The following PGM2L1 variants were observed in gnomAD, a reference collection of about 807,000 sequenced individuals.
PGM2L1 encodes the protein phosphoglucomutase 2 like 1, also known as glucose 1,6-bisphosphate synthase.
Under a neutral mutation model 73.4 loss-of-function variants are expected in PGM2L1, and 35 were observed. The ratio of observed to expected loss-of-function variants is 0.48; its 90% CI spans 0.36 to 0.63. PGM2L1 has a LOEUF of 0.63. Among genes scored for constraint, PGM2L1 ranks in the 30% least tolerant of loss-of-function variants. The pLI is 0.00. For synonymous variants in PGM2L1, 225 were observed against 253.8 expected, an observed-to-expected ratio of 0.89 and a Z score of 1.08; for missense variants, 570 against 742.0, an observed-to-expected ratio of 0.77 and a Z score of 2.69.
chr11:74,354,898 C>T (rs1182571257), intron 5 of PGM2L1: 9 of 854,890 alleles, frequency 1.1e-5, no homozygotes, highest in African/African-American at 8.2e-5. Context: ...GTCTTTGTAA[C>T]CTTTGATGAC....
Position 74,342,522 on chromosome 11 carries a change from G to C in PGM2L1, c.1571C>G (p.Ala524Gly). The change falls in exon 12 of 14, where the codon GCT becomes GGT. Residue 524 changes from alanine to glycine, a missense_variant. Coordinates refer to ENST00000298198, the MANE Select transcript of PGM2L1 (RefSeq NM_173582.6). ...KEYPKFCGTF[A>G]ILHVRDVTTG... is the part of the protein sequence containing the mutation. The stretch of plus-strand genomic sequence containing the variant: ...GGTAACGTCCCGTACATGCAATATA[G>C]CAAATGTTCCACAAAATTTTGGATA... 1 of 1,609,490 alleles carries C rather than the reference G, an allele frequency of 6.2e-7. No individual in the cohort carries two copies.
intron 12 of PGM2L1, among the ~76,000 whole-genome samples, chr11:74,341,143 T>G (rs1270767647): frequency 6.6e-6 from 1 of 152,194 alleles, no homozygotes; most frequent in African/African-American, 2.4e-5. Context: ...CCACACATCT[T>G]ACCCTGAGGG....
At chr11:74,392,577 G>T (rs945498408) in intron 1 of PGM2L1, among the ~76,000 whole-genome samples, 4 of 150,246 alleles carry the variant, frequency 2.7e-5, no homozygotes, top group Non-Finnish European at 5.9e-5. Context: ...GTCTGGCTCT[G>T]TCGCCCAGGC....
rs574201700 is a variant in PGM2L1, at chr11:74,370,994, A to G, written c.387-8T>C. ...GCAGTGAGTTTAGCAAGCCTAAAAAAAGAGAGATTTAACTTAGTCCTTTGC... is the reference window on the plus strand; with the variant it reads ...GCAGTGAGTTTAGCAAGCCTAAAAAGAGAGAGATTTAACTTAGTCCTTTGC... On this transcript the variant is annotated splice_polypyrimidine_tract_variant and splice_region_variant and intron_variant, in intron 3 of 13. Coordinates refer to ENST00000298198, the MANE Select transcript of PGM2L1 (RefSeq NM_173582.6). The G allele has an allele frequency of 6.8e-6, 11 of 1,610,966 alleles. No individual in the cohort carries two copies. In the South Asian group the frequency reaches 1.1e-4, roughly 16 times the overall value.
At chr11:74,361,732 T>C (rs1862566752) in intron 5 of PGM2L1, among the ~76,000 whole-genome samples, 1 of 152,116 alleles carries the variant, frequency 6.6e-6, no homozygotes, top group Non-Finnish European at 1.5e-5. Flanking sequence ...AACCATGTCA[T>C]GAGAACTACG....
At position 74,355,553 on chromosome 11, in the gene PGM2L1, CAAAAAAA is replaced by C. The variant is rs547652950; in HGVS notation, c.556-3984_556-3978del. 1.1e-3 allele frequency: 129 copies of C among 114,232 alleles called. 2 individuals carry two copies. Among genetic ancestry groups the C allele is most frequent in the Middle Eastern group, 3.9e-3 (1 of 256 alleles). 7.1% of individuals were successfully genotyped at this position (114,232 alleles called of 1,614,324 possible). A position where few individuals can be genotyped will look rare whatever the true frequency, so the allele number is the denominator to read the frequency against. On this transcript the variant is annotated intron_variant, in intron 5 of 13. Coordinates refer to ENST00000298198, the MANE Select transcript of PGM2L1 (RefSeq NM_173582.6). Reference sequence around the variant, plus strand: ...TGGGCGACAGAGCGAGACTCCGTCTCAAAAAAAAAAAAAAAAAAAAAAAAAATTTGGA... The same window carrying C: ...TGGGCGACAGAGCGAGACTCCGTCTCAAAAAAAAAAAAAAAAAAATTTGGA...
Position 74,334,396 on chromosome 11 carries a change from TC to T in PGM2L1, c.*2255del, listed in dbSNP as rs1313462895. On this transcript the variant is annotated 3_prime_UTR_variant, in exon 14 of 14. Transcript: ENST00000298198. ...ATATATGCCATTTCCTAAATTACAA[TC>T]TACATTCTTAAAAGCATATAAAACA... is the stretch of plus-strand genomic sequence containing the variant. 6.6e-6 allele frequency: 1 copy of T among 152,206 alleles called. No homozygotes were observed. Among genetic ancestry groups the T allele is most frequent in the African/African-American group, 2.4e-5 (1 of 41,438 alleles). 9.4% of individuals were successfully genotyped at this position (152,206 alleles called of 1,614,324 possible). A position where few individuals can be genotyped will look rare whatever the true frequency, so the allele number is the denominator to read the frequency against.
chr11:74,336,507 T>C lies in PGM2L1; in HGVS notation c.*145A>G, dbSNP rs1862097485. The stretch of plus-strand genomic sequence containing the variant: ...CTTATACTTTGTTTAGTCTAGCCAG[T>C]TGACCAAAAAGAAAGAAAATAAAAG... On this transcript the variant is annotated 3_prime_UTR_variant, in exon 14 of 14. Transcript: ENST00000298198. The C allele has an allele frequency of 2.2e-6, 1 of 465,108 alleles. No homozygotes were observed. The allele number at this position is 465,108 out of a possible 1,614,324, so 28.8% of individuals were successfully genotyped here.
At chr11:74,337,731 A>C (rs1344320383) in intron 13 of PGM2L1, among the ~76,000 whole-genome samples, 2 of 152,230 alleles carry the variant, frequency 1.3e-5, no homozygotes, top group Non-Finnish European at 2.9e-5. Context: ...TAATTTCCTT[A>C]TGTTAATCAC....
intron 5 of PGM2L1, among the ~76,000 whole-genome samples, chr11:74,359,341 G>A (rs1862515470): frequency 6.6e-6 from 1 of 151,582 alleles, no homozygotes; most frequent in Non-Finnish European, 1.5e-5. Flanking sequence ...GCAGTGGTGT[G>A]ATCACGGCTC....
At chr11:74,349,567 A>T (rs1862318781) in intron 6 of PGM2L1, among the ~76,000 whole-genome samples, 2 of 152,158 alleles carry the variant, frequency 1.3e-5, no homozygotes, top group African/African-American at 4.8e-5. Context: ...GATAAGAATC[A>T]ATTTCTCCAA....
intron 1 of PGM2L1, among the ~76,000 whole-genome samples, chr11:74,376,771 T>C (rs2134936931): frequency 6.6e-6 from 1 of 152,192 alleles, no homozygotes; most frequent in Admixed American, 6.5e-5. Flanking sequence ...TAATTCCTGG[T>C]TGTTGAAAAA....
At chr11:74,368,167 G>T (rs1056665060) in intron 5 of PGM2L1, among the ~76,000 whole-genome samples, 1 of 152,142 alleles carries the variant, frequency 6.6e-6, no homozygotes, top group Non-Finnish European at 1.5e-5. Context: ...TGGTTCTGTT[G>T]TTGAAAACTC....
In PGM2L1 at chr11:74,351,496, G is replaced by C; in HGVS notation, c.636C>G (p.Pro212=). The C allele has an allele frequency of 1.9e-6, 3 of 1,613,394 alleles. No individual in the cohort carries two copies. Among genetic ancestry groups the C allele is most frequent in the Non-Finnish European group, 2.5e-6 (3 of 1,179,452 alleles). Residue 212 remains proline (P), a synonymous_variant, in exon 6 of 14, where the codon CCC becomes CCG. Transcript: ENST00000298198. ...AATTATCATTCCAGGAACCATTCCA[G>C]GGTTCCACACATTCTTCTATACATT... The part of the protein sequence containing the change: ...ILKCIEECVE[P]WNGSWNDNLV...
At chr11:74,347,445 C>T in intron 6 of PGM2L1, 108 bp from the exon 7 acceptor site, 1 of 953,092 alleles carries the variant, frequency 1.0e-6, no homozygotes, top group African/African-American at 1.7e-5. Flanking sequence ...GTGATTTAAG[C>T]CTTCAGCAGA....
intron 5 of PGM2L1, among the ~76,000 whole-genome samples, chr11:74,365,922 T>C (rs1420249544): frequency 1.3e-5 from 2 of 152,202 alleles, no homozygotes; most frequent in African/African-American, 4.8e-5. Flanking sequence ...CGTATGTTTA[T>C]TGCGGCACTA....
Position 74,368,525 on chromosome 11 carries a change from G to C in PGM2L1, c.522C>G (p.Ala174=). ...LKAVAGVMIT[A]SHNRKEDNGY... is the part of the protein sequence containing the mutation. ...CATTGTCTTCCTTGCGGTTGTGAGA[G>C]GCAGTAATCATCACACCTGCAACTG... The change falls in exon 5 of 14, where the codon GCC becomes GCG. Residue 174 remains alanine (A), a synonymous_variant. Transcript: ENST00000298198. 1 of 1,613,782 alleles carries C rather than the reference G, an allele frequency of 6.2e-7. No individual in the cohort carries two copies. The highest frequency in any genetic ancestry group is 1.3e-5 in the African/African-American group (1 of 75,018).
At position 74,343,408 on chromosome 11, in the gene PGM2L1, T is replaced by G; in HGVS notation, c.1227A>C (p.Leu409Phe). 6.2e-7 allele frequency: 1 copy of G among 1,605,330 alleles called. No homozygotes were observed. Among genetic ancestry groups the G allele is most frequent in the Middle Eastern group, 1.7e-4 (1 of 6,034 alleles). The change falls in exon 10 of 14, where the codon TTA becomes TTC. Residue 409 changes from leucine (L) to phenylalanine (F), a missense_variant. Transcript: ENST00000298198. ...LKEGFHFEET[L>F]PGFKWIGSRI... ...TACTTCCAATCCATTTAAAACCTGG[T>G]AATGTTTCCTGAAATGCAGAGGAGG...
chr11:74,385,774 C>G (rs765458897), intron 1 of PGM2L1, among the ~76,000 whole-genome samples: 1 of 151,856 alleles, frequency 6.6e-6, no homozygotes, highest in Admixed American at 6.6e-5. Context: ...AGAAAGGAAA[C>G]AATAATATGC....
Sources: allele counts gnomAD v4.1 joint callset (sites outside exome capture counted in the v4.1 genomes callset), GRCh38; gene constraint gnomAD v4.1.1; transcripts MANE v1.5; gene names NCBI Gene and HGNC (gene_info 2026-07-23, HGNC 2026-07-21).